Variants in DNAH3 observed in about 807,000 individuals in gnomAD.
DNAH3 encodes the protein axonemal beta dynein heavy chain 3.
In DNAH3, 332 loss-of-function variants were observed where a neutral mutation model predicts 432.5. That is an observed-to-expected ratio of 0.77 (90% CI 0.70 to 0.84). The LOEUF (loss-of-function observed/expected upper bound fraction) is 0.84, where lower values mean the gene tolerates loss of function less well. Among genes scored for constraint, DNAH3 ranks in the 40% least tolerant of loss-of-function variants. The pLI is 0.00. For missense variants in DNAH3, 4,861 were observed against 5,114.0 expected (o/e 0.95, Z 1.51); for synonymous variants, 1,956 against 1,900.2 (o/e 1.03, Z -0.76).
intron 35 of DNAH3, among the ~76,000 whole-genome samples, chr16:21,035,317 A>T (rs1408703941): frequency 6.6e-6 from 1 of 152,220 alleles, no homozygotes; most frequent in Non-Finnish European, 1.5e-5. Context: ...ATGGAGGGAG[A>T]CTGTTTAAAA....
intron 39 of DNAH3, 99 bp from the exon 40 acceptor site, chr16:21,022,199 G>A (rs62034888): frequency 0.14 from 177,961 of 1,298,738 alleles, 13,993 homozygotes; most frequent in Non-Finnish European, 0.16. Flanking sequence ...ATGCTGGTTA[G>A]ACTGCTGATT....
At chr16:20,968,543 G>A (rs1441232901) in intron 52 of DNAH3, among the ~76,000 whole-genome samples, 1 of 152,116 alleles carries the variant, frequency 6.6e-6, no homozygotes, top group Non-Finnish European at 1.5e-5. Context: ...AAATTTGAAG[G>A]AGAATGAATA....
intron 16 of DNAH3, among the ~76,000 whole-genome samples, chr16:21,099,268 G>A (rs961276657): frequency 2.6e-4 from 40 of 151,816 alleles, no homozygotes; most frequent in African/African-American, 9.2e-4. Flanking sequence ...ATGGATGGAT[G>A]GATGGACAGA....
chr16:21,042,804 G>A (rs1233654855), intron 31 of DNAH3, among the ~76,000 whole-genome samples: 1 of 152,018 alleles, frequency 6.6e-6, no homozygotes, highest in East Asian at 1.9e-4. Context: ...TATATCTCCC[G>A]ATGCTATCCC....
At chr16:20,946,359 C>T (rs192161384) in intron 57 of DNAH3, among the ~76,000 whole-genome samples, 4 of 152,242 alleles carry the variant, frequency 2.6e-5, no homozygotes, top group East Asian at 1.9e-4. Flanking sequence ...CGAGTTTTCC[C>T]GTCTTTCTGG....
chr16:20,979,799 G>C (rs1472053815), intron 49 of DNAH3, among the ~76,000 whole-genome samples: 1 of 152,070 alleles, frequency 6.6e-6, no homozygotes, highest in Admixed American at 6.5e-5. Flanking sequence ...ACCCAGGCTG[G>C]AGTGCAGTGG....
exon 57 of DNAH3, chr16:20,948,589 A>T: frequency 6.2e-7 from 1 of 1,614,174 alleles, no homozygotes; most frequent in Non-Finnish European, 8.5e-7. Flanking sequence ...TGACAGCAGG[A>T]GACGCCGGTC....
intron 40 of DNAH3, among the ~76,000 whole-genome samples, chr16:21,021,547 T>C (rs1279431979): frequency 6.6e-6 from 1 of 152,154 alleles, no homozygotes; most frequent in East Asian, 1.9e-4. Flanking sequence ...AAAGGCTTGC[T>C]TGTTCTAGAT....
intron 1 of DNAH3, among the ~76,000 whole-genome samples, chr16:21,157,123 CT>C (rs2092903340): frequency 6.6e-6 from 1 of 152,100 alleles, no homozygotes; most frequent in Non-Finnish European, 1.5e-5. Context: ...GGATTCTTGT[CT>C]GTCCTATCCC....
chr16:21,086,841 A>T lies in DNAH3; in HGVS notation c.2877+8T>A. The T allele has an allele frequency of 1.2e-6, 2 of 1,613,716 alleles. No homozygotes were observed. The highest frequency in any genetic ancestry group is 1.7e-6 in the Non-Finnish European group (2 of 1,179,654). On this transcript the variant is annotated splice_region_variant and intron_variant, in intron 19 of 61. Coordinates refer to ENST00000261383, the Ensembl canonical transcript of DNAH3. ...GCTGCTTGGGGGCGGGCAGTGATTG[A>T]TAGAAACCTGCTGCCAGTGTCGGTC... is the stretch of plus-strand genomic sequence containing the variant.
intron 38 of DNAH3, 65 bp from the exon 39 acceptor site, chr16:21,024,766 T>C (rs1158189847): frequency 5.7e-6 from 7 of 1,229,886 alleles, no homozygotes; most frequent in South Asian, 3.7e-5. Flanking sequence ...TTAACATTTA[T>C]TGAGCAATCT....
chr16:21,136,577 C>T, intron 5 of DNAH3, 64 bp from the exon 7 acceptor site: 1 of 1,483,166 alleles, frequency 6.7e-7, no homozygotes, highest in Non-Finnish European at 9.4e-7. Context: ...AACTGTCCTG[C>T]CCATCAGCTG....
chr16:21,069,544 C>T, exon 23 of DNAH3: 1 of 1,613,400 alleles, frequency 6.2e-7, no homozygotes, highest in Non-Finnish European at 8.5e-7. Flanking sequence ...CTTGGCATTT[C>T]AACCAGGCAT....
chr16:21,041,420 A>G (rs577655051), intron 32 of DNAH3, among the ~76,000 whole-genome samples: 2 of 152,204 alleles, frequency 1.3e-5, no homozygotes, highest in East Asian at 1.9e-4. Context: ...CTTGGCCTTC[A>G]CTGGCCTATG....
chr16:20,959,107 C>A, intron 54 of DNAH3, 72 bp downstream of exon 54: 1 of 1,497,642 alleles, frequency 6.7e-7, no homozygotes, highest in Non-Finnish European at 9.3e-7. Flanking sequence ...GTGTCTTGGT[C>A]ATCTTCCCAG....
chr16:20,960,312 C>T (rs1308298863), intron 53 of DNAH3, among the ~76,000 whole-genome samples: 2 of 152,060 alleles, frequency 1.3e-5, no homozygotes, highest in Non-Finnish European at 1.5e-5. Context: ...TAGCTTTGCA[C>T]TCATAAGAGG....
exon 53 of DNAH3, chr16:20,963,374 G>C: frequency 6.2e-7 from 1 of 1,614,130 alleles, no homozygotes; most frequent in Non-Finnish European, 8.5e-7. Flanking sequence ...TCGAACGTAG[G>C]GGCTTCGATA....
intron 12 of DNAH3, among the ~76,000 whole-genome samples, chr16:21,116,657 C>T (rs2092208746): frequency 6.6e-6 from 1 of 152,130 alleles, no homozygotes; most frequent in African/African-American, 2.4e-5. Context: ...AGATGTTTTA[C>T]AGTGTGATGA....
intron 15 of DNAH3, among the ~76,000 whole-genome samples, chr16:21,105,414 A>G (rs1226423648): frequency 2.0e-5 from 3 of 152,196 alleles, no homozygotes; most frequent in Non-Finnish European, 4.4e-5. Flanking sequence ...TCCTTTTACA[A>G]TACACAGGAG....
Sources: gnomAD v4.1 joint callset for allele counts (sites outside exome capture counted in the v4.1 genomes callset) on GRCh38, gnomAD v4.1.1 for gene constraint, MANE v1.5 for transcripts, NCBI Gene and HGNC (gene_info 2026-07-23, HGNC 2026-07-21) for gene names.